Variants in PRELID2 observed in about 807,000 individuals in gnomAD.
PRELID2 encodes PRELI domain containing 2.
A neutral mutation model predicts 28.4 loss-of-function variants in PRELID2; 25 were observed. The ratio of observed to expected loss-of-function variants is 0.88; its 90% CI spans 0.64 to 1.23. PRELID2 has a LOEUF of 1.23. Among genes scored for constraint, PRELID2 ranks in the 50% most tolerant of loss-of-function variants. PRELID2 has a pLI of 0.00. For synonymous variants in PRELID2, 76 were observed against 71.6 expected (o/e 1.06, Z -0.31); for missense variants, 201 against 214.4 (o/e 0.94, Z 0.39).
chr5:145,344,974 TCTC>T, the PRELID2 span, among the ~76,000 whole-genome samples: 1 of 152,044 alleles, frequency 6.6e-6, no homozygotes, highest in African/African-American at 2.4e-5. Context: ...CAAGTTAGAG[TCTC>T]CTTTTAAACT....
At chr5:145,369,258 T>G in the PRELID2 span, among the ~76,000 whole-genome samples, 1 of 151,896 alleles carries the variant, frequency 6.6e-6, no homozygotes, top group South Asian at 2.1e-4. Flanking sequence ...ACCCATCTTC[T>G]AAGTTCCCTT....
chr5:145,646,574 T>C (rs983179977), intron 1 of PRELID2, among the ~76,000 whole-genome samples: 1 of 152,222 alleles, frequency 6.6e-6, no homozygotes, highest in East Asian at 1.9e-4. Context: ...TTTTGCTCCC[T>C]TGCTGTTGAG....
chr5:145,415,192 A>G, the PRELID2 span, among the ~76,000 whole-genome samples: 1 of 151,932 alleles, frequency 6.6e-6, no homozygotes, highest in Non-Finnish European at 1.5e-5. Context: ...ATAACACACA[A>G]CTAAATGGAA....
chr5:145,765,383 A>T (rs1355696511), intron 5 of PRELID2, among the ~76,000 whole-genome samples: 1 of 152,142 alleles, frequency 6.6e-6, no homozygotes, highest in Non-Finnish European at 1.5e-5. Context: ...TTTTATGTGC[A>T]TTACCTGGGG....
At chr5:145,731,193 A>C (rs1367451013) in intron 1 of PRELID2, among the ~76,000 whole-genome samples, 2 of 152,186 alleles carry the variant, frequency 1.3e-5, no homozygotes, top group African/African-American at 4.8e-5. Flanking sequence ...TTCACAGGGG[A>C]AATTATCTGC....
chr5:145,735,096 T>A (rs1213605621), intron 1 of PRELID2, among the ~76,000 whole-genome samples: 1 of 135,314 alleles, frequency 7.4e-6, no homozygotes, highest in Non-Finnish European at 1.6e-5. Context: ...AATACAAAAA[T>A]TAGCCAGGCA....
At chr5:145,504,671 T>C (rs1752390769) in intron 1 of PRELID2, among the ~76,000 whole-genome samples, 1 of 152,184 alleles carries the variant, frequency 6.6e-6, no homozygotes, top group Admixed American at 6.6e-5. Context: ...GAACCCTTCC[T>C]CATCTGATCT....
chr5:145,594,334 TG>T (rs1753272916), intron 1 of PRELID2, among the ~76,000 whole-genome samples: 1 of 152,180 alleles, frequency 6.6e-6, no homozygotes, highest in Non-Finnish European at 1.5e-5. Context: ...TCAGTTTGTT[TG>T]GTGTTTTTTT....
chr5:145,276,233 A>T, the PRELID2 span, among the ~76,000 whole-genome samples: 1 of 152,162 alleles, frequency 6.6e-6, no homozygotes, highest in Non-Finnish European at 1.5e-5. Flanking sequence ...CACATTAATG[A>T]CAAATGTGCA....
At chr5:145,257,174 A>G in the PRELID2 span, among the ~76,000 whole-genome samples, 1 of 151,948 alleles carries the variant, frequency 6.6e-6, no homozygotes, top group African/African-American at 2.4e-5. Flanking sequence ...ATAATTTAAC[A>G]GTGTAATGTG....
chr5:145,735,623 T>C (rs1476135060), intron 1 of PRELID2, among the ~76,000 whole-genome samples: 1 of 152,226 alleles, frequency 6.6e-6, no homozygotes, highest in Non-Finnish European at 1.5e-5. Flanking sequence ...TACTATGCAA[T>C]TACATTTTAG....
At chr5:145,388,802 T>C in the PRELID2 span, among the ~76,000 whole-genome samples, 1 of 152,178 alleles carries the variant, frequency 6.6e-6, no homozygotes, top group Admixed American at 6.5e-5. Flanking sequence ...GGCAAGACTA[T>C]CTGGACCACC....
intron 1 of PRELID2, among the ~76,000 whole-genome samples, chr5:145,726,231 A>ATGAG (rs1756147994): frequency 1.1e-5 from 1 of 95,214 alleles, no homozygotes; most frequent in African/African-American, 5.3e-5. Flanking sequence ...GAAGGAAGGA[A>ATGAG]GGAAGGAGGG....
chr5:145,450,190 A>C, the PRELID2 span, among the ~76,000 whole-genome samples: 38 of 152,256 alleles, frequency 2.5e-4, no homozygotes, highest in South Asian at 7.7e-3. Flanking sequence ...TTACATGGGA[A>C]ACCATAGAAA....
chr5:145,296,184 T>C, the PRELID2 span, among the ~76,000 whole-genome samples: 1 of 151,760 alleles, frequency 6.6e-6, no homozygotes, highest in East Asian at 1.9e-4. Flanking sequence ...TTTTTTTATT[T>C]ATTTTTTTAT....
chr5:145,685,416 T>G (rs1367071006), intron 1 of PRELID2, among the ~76,000 whole-genome samples: 1 of 152,192 alleles, frequency 6.6e-6, no homozygotes, highest in Non-Finnish European at 1.5e-5. Flanking sequence ...GAGCCCAGTT[T>G]CTACCCTAAT....
At chr5:145,232,834 T>C in the PRELID2 span, among the ~76,000 whole-genome samples, 1 of 152,026 alleles carries the variant, frequency 6.6e-6, no homozygotes, top group Non-Finnish European at 1.5e-5. Flanking sequence ...TAAACATTCA[T>C]GAGTATAAAA....
At chr5:145,310,749 C>T in the PRELID2 span, among the ~76,000 whole-genome samples, 1 of 152,118 alleles carries the variant, frequency 6.6e-6, no homozygotes, top group Non-Finnish European at 1.5e-5. Context: ...TTTCAAAATG[C>T]ATCTTCGTAA....
At chr5:145,776,393 C>T (rs534460480) in intron 5 of PRELID2, among the ~76,000 whole-genome samples, 1 of 152,078 alleles carries the variant, frequency 6.6e-6, no homozygotes, top group Admixed American at 6.5e-5. Context: ...GTGATGCTGA[C>T]AATTCAGATA....
Sources: gnomAD v4.1 joint callset for allele counts (sites outside exome capture counted in the v4.1 genomes callset) on GRCh38, gnomAD v4.1.1 for gene constraint, MANE v1.5 for transcripts, NCBI Gene and HGNC (gene_info 2026-07-23, HGNC 2026-07-21) for gene names.